The following PRKCA variants were observed in gnomAD, a reference collection of about 807,000 sequenced individuals.
The protein encoded by PRKCA is protein kinase C alpha.
In PRKCA, 27 loss-of-function variants were observed where a neutral mutation model predicts 87.0. The ratio of observed to expected loss-of-function variants is 0.31; its 90% CI spans 0.23 to 0.43. The LOEUF (loss-of-function observed/expected upper bound fraction) is 0.43. Among genes scored for constraint, PRKCA ranks in the 20% least tolerant of loss-of-function variants. PRKCA has a pLI of 1.00. For missense variants in PRKCA, 518 were observed against 852.3 expected (o/e 0.61, Z 4.88); for synonymous variants, 329 against 311.1 (o/e 1.06, Z -0.61).
chr17:66,585,636 G>A (rs1022902952), intron 3 of PRKCA, among the ~76,000 whole-genome samples: 2 of 152,196 alleles, frequency 1.3e-5, no homozygotes, highest in South Asian at 2.1e-4. Context: ...ACCCAAGGAC[G>A]CACTTCCCCA....
At chr17:66,325,970 A>G (rs535983793) in intron 2 of PRKCA, among the ~76,000 whole-genome samples, 1 of 152,256 alleles carries the variant, frequency 6.6e-6, no homozygotes, top group South Asian at 2.1e-4. Context: ...AGTGGCTACC[A>G]TCCATTCACA....
intron 8 of PRKCA, among the ~76,000 whole-genome samples, chr17:66,696,761 G>A (rs185467456): frequency 2.0e-5 from 3 of 152,316 alleles, no homozygotes; most frequent in East Asian, 1.9e-4. Context: ...AGCTAAACCC[G>A]AATTCTGCTA....
chr17:66,514,178 CAT>C (rs1280690061), intron 3 of PRKCA, among the ~76,000 whole-genome samples: 1 of 152,104 alleles, frequency 6.6e-6, no homozygotes, highest in African/African-American at 2.4e-5. Flanking sequence ...ATAGGAAAAA[CAT>C]AGTATATATA....
intron 2 of PRKCA, among the ~76,000 whole-genome samples, chr17:66,394,595 G>T (rs562816279): frequency 6.6e-6 from 1 of 152,078 alleles, no homozygotes; most frequent in South Asian, 2.1e-4. Flanking sequence ...GTATTGGGGC[G>T]GATGGGACCC....
intron 2 of PRKCA, among the ~76,000 whole-genome samples, chr17:66,393,311 C>T (rs1175360295): frequency 6.6e-6 from 1 of 152,124 alleles, no homozygotes; most frequent in Non-Finnish European, 1.5e-5. Flanking sequence ...TCGAGCAGCC[C>T]CAGCTTCTGA....
intron 5 of PRKCA, among the ~76,000 whole-genome samples, chr17:66,658,121 T>C (rs774757215): frequency 3.9e-5 from 6 of 152,148 alleles, no homozygotes; most frequent in African/African-American, 9.7e-5. Flanking sequence ...CACATCCTTC[T>C]TCACGTGGCG....
At chr17:66,514,503 A>G (rs1966899619) in intron 3 of PRKCA, among the ~76,000 whole-genome samples, 1 of 152,124 alleles carries the variant, frequency 6.6e-6, no homozygotes, top group Non-Finnish European at 1.5e-5. Context: ...AGCGACTTGA[A>G]CTGAATAGGA....
chr17:66,648,260 A>G lies in PRKCA; in HGVS notation c.529+2749A>G, dbSNP rs1323791981. Among the ~76,000 whole-genome samples the G allele has an allele frequency of 1.3e-5, 2 of 152,248 alleles. 1 individual carries two copies. The highest frequency in any genetic ancestry group is 3.8e-4 in the East Asian group (2 of 5,208). ...TACTTCCCAAAGGCCCTACCTCTTA[A>G]TACTATCACACCGGGAATCCAATCT... On this transcript the variant is annotated intron_variant, in intron 5 of 16. Coordinates refer to ENST00000413366, the MANE Select transcript of PRKCA (RefSeq NM_002737.3).
intron 2 of PRKCA, among the ~76,000 whole-genome samples, chr17:66,340,295 T>G (rs1326617126): frequency 6.6e-6 from 1 of 152,014 alleles, no homozygotes; most frequent in Non-Finnish European, 1.5e-5. Flanking sequence ...AACTAGGTTT[T>G]GGGTGGACGA....
chr17:66,325,706 G>C (rs1182303498), intron 2 of PRKCA, among the ~76,000 whole-genome samples: 4 of 152,100 alleles, frequency 2.6e-5, no homozygotes, highest in Non-Finnish European at 5.9e-5. Context: ...AAAGCCCTAA[G>C]GGGCGGGTGG....
intron 5 of PRKCA, among the ~76,000 whole-genome samples, chr17:66,684,585 T>C (rs1285403187): frequency 4.6e-5 from 7 of 152,262 alleles, no homozygotes; most frequent in Non-Finnish European, 1.0e-4. Flanking sequence ...TCAACTTAAA[T>C]GGTAGTATCT....
intron 8 of PRKCA, among the ~76,000 whole-genome samples, chr17:66,722,643 G>A (rs1199425357): frequency 6.6e-6 from 1 of 152,176 alleles, no homozygotes; most frequent in East Asian, 1.9e-4. Flanking sequence ...AAAGTGAGAC[G>A]TGTCAGTCAT....
At chr17:66,706,037 C>T (rs1973183330) in intron 8 of PRKCA, among the ~76,000 whole-genome samples, 1 of 152,156 alleles carries the variant, frequency 6.6e-6, no homozygotes, top group African/African-American at 2.4e-5. Context: ...CTAGATCTTG[C>T]ACCTCCAAGT....
intron 3 of PRKCA, among the ~76,000 whole-genome samples, chr17:66,539,525 T>C (rs1302995852): frequency 1.3e-5 from 2 of 151,906 alleles, no homozygotes; most frequent in Non-Finnish European, 1.5e-5. Flanking sequence ...TGCCTCAGCC[T>C]CCTGAGTAGC....
intron 16 of PRKCA, 51 bp downstream of exon 16, chr17:66,789,030 G>A: frequency 3.1e-6 from 5 of 1,608,966 alleles, no homozygotes; most frequent in Non-Finnish European, 4.2e-6. Flanking sequence ...CCCAAATTCT[G>A]GGAGTATCCC....
chr17:66,755,242 C>G (rs1223971374), intron 13 of PRKCA, among the ~76,000 whole-genome samples: 2 of 152,172 alleles, frequency 1.3e-5, no homozygotes, highest in Admixed American at 6.5e-5. Context: ...CACCCCACGC[C>G]CCCCCAGTGC....
At chr17:66,787,059 G>A in intron 15 of PRKCA, 85 bp downstream of exon 15, 1 of 1,058,746 alleles carries the variant, frequency 9.4e-7, no homozygotes, top group Non-Finnish European at 1.5e-6. Flanking sequence ...AAGAGAGATG[G>A]CAGAAACACC....
At chr17:66,411,167 G>A (rs1274879735) in intron 2 of PRKCA, among the ~76,000 whole-genome samples, 1 of 151,704 alleles carries the variant, frequency 6.6e-6, no homozygotes, top group Non-Finnish European at 1.5e-5. Flanking sequence ...AACCTCCTGG[G>A]CTCAAGCGAT....
intron 3 of PRKCA, among the ~76,000 whole-genome samples, chr17:66,538,930 G>A (rs984856822): frequency 3.3e-5 from 5 of 152,132 alleles, no homozygotes; most frequent in Admixed American, 6.5e-5. Flanking sequence ...CCTGAGCCCC[G>A]GTATCTGAGG....
Sources: gnomAD v4.1 joint callset for allele counts (sites outside exome capture counted in the v4.1 genomes callset) on GRCh38, gnomAD v4.1.1 for gene constraint, MANE v1.5 for transcripts, NCBI Gene and HGNC (gene_info 2026-07-23, HGNC 2026-07-21) for gene names.